CCDC73: variants seen among roughly 807,000 people sequenced by gnomAD.
CCDC73 encodes the protein coiled-coil domain containing 73.
A neutral mutation model predicts 116.5 loss-of-function variants in CCDC73; 95 were observed. The ratio of observed to expected loss-of-function variants is 0.82; its 90% CI spans 0.69 to 0.97. The LOEUF is 0.97. Among genes scored for constraint, CCDC73 ranks in the 50% least tolerant of loss-of-function variants. The probability of loss-of-function intolerance (pLI) is 0.00; values close to 1 mark genes in which losing one functional copy is unlikely to be tolerated. For missense variants in CCDC73, 1,066 were observed against 1,206.8 expected, an observed-to-expected ratio of 0.88 and a Z score of 1.73; for synonymous variants, 398 against 401.3, an observed-to-expected ratio of 0.99 and a Z score of 0.10.
At chr11:32,687,953 C>T (rs979099765) in intron 6 of CCDC73, among the ~76,000 whole-genome samples, 1 of 152,054 alleles carries the variant, frequency 6.6e-6, no homozygotes, top group African/African-American at 2.4e-5. Flanking sequence ...TGAATGGACT[C>T]CCACTGGCCA....
At chr11:32,631,815 T>C (rs942623841) in intron 14 of CCDC73, among the ~76,000 whole-genome samples, 3 of 152,154 alleles carry the variant, frequency 2.0e-5, no homozygotes, top group African/African-American at 7.2e-5. Context: ...CACTCCAGCC[T>C]GGGTGACAGA....
chr11:32,630,075 TTTTC>T lies in CCDC73; in HGVS notation c.1185+5617_1185+5620del, dbSNP rs1449025092. Among the ~76,000 whole-genome samples the T allele has an allele frequency of 9.2e-5, 14 of 152,186 alleles. No homozygotes were observed. In the East Asian group the frequency reaches 1.2e-3, roughly 13 times the overall value. On this transcript the variant is annotated intron_variant, in intron 14 of 17. Coordinates refer to ENST00000335185, the MANE Select transcript of CCDC73 (RefSeq NM_001008391.4). ...AAAAGATACTTTATCTCATTTTTAA[TTTTC>T]TTTGTCAGATAATTCTCTGAAATAA...
intron 6 of CCDC73, among the ~76,000 whole-genome samples, chr11:32,694,979 C>T (rs916108949): frequency 1.3e-5 from 2 of 152,200 alleles, no homozygotes; most frequent in African/African-American, 4.8e-5. Flanking sequence ...CCGTAAGTGA[C>T]TTTCAAAGAC....
At chr11:32,719,150 T>C (rs1375575263) in intron 2 of CCDC73, among the ~76,000 whole-genome samples, 1 of 152,218 alleles carries the variant, frequency 6.6e-6, no homozygotes, top group Non-Finnish European at 1.5e-5. Flanking sequence ...AGCAGTCATT[T>C]AGAAATACTC....
the CCDC73 span, among the ~76,000 whole-genome samples, chr11:32,826,027 C>T: frequency 1.3e-5 from 2 of 152,184 alleles, no homozygotes; most frequent in Non-Finnish European, 1.5e-5. Flanking sequence ...TGACCCCTCA[C>T]ACTGTTCTTT....
chr11:32,743,722 G>A (rs1181355842), intron 2 of CCDC73, among the ~76,000 whole-genome samples: 1 of 152,122 alleles, frequency 6.6e-6, no homozygotes, highest in Non-Finnish European at 1.5e-5. Context: ...TGTTATTGGT[G>A]TATAGGAATG....
chr11:32,703,969 TAA>T (rs1419896188), intron 3 of CCDC73, among the ~76,000 whole-genome samples: 1 of 152,232 alleles, frequency 6.6e-6, no homozygotes, highest in Non-Finnish European at 1.5e-5. Context: ...TTAGCAATTT[TAA>T]AAGTTTATCT....
At chr11:32,828,366 C>A in the CCDC73 span, among the ~76,000 whole-genome samples, 4 of 151,784 alleles carry the variant, frequency 2.6e-5, no homozygotes, top group Non-Finnish European at 5.9e-5. Flanking sequence ...AAAAATTAGC[C>A]GGGCGTGGTG....
intron 2 of CCDC73, among the ~76,000 whole-genome samples, chr11:32,734,044 A>T (rs1394275109): frequency 6.6e-6 from 1 of 152,242 alleles, no homozygotes; most frequent in Non-Finnish European, 1.5e-5. Context: ...TAAAGAAAAA[A>T]GGAGAGAAGA....
chr11:32,645,770 G>A (rs552894547), intron 12 of CCDC73, among the ~76,000 whole-genome samples: 26 of 152,204 alleles, frequency 1.7e-4, no homozygotes, highest in African/African-American at 6.0e-4. Context: ...ACCAACAAAC[G>A]TGTGAGTAAT....
At chr11:32,701,299 C>A (rs746584285) in intron 4 of CCDC73, among the ~76,000 whole-genome samples, 1 of 152,144 alleles carries the variant, frequency 6.6e-6, no homozygotes, top group Non-Finnish European at 1.5e-5. Context: ...TCCAAAGGTA[C>A]AATTTCGTAA....
intron 7 of CCDC73, among the ~76,000 whole-genome samples, chr11:32,679,174 T>C (rs985314790): frequency 6.6e-6 from 1 of 152,082 alleles, no homozygotes; most frequent in Admixed American, 6.6e-5. Flanking sequence ...CCTGGAGAGC[T>C]TATGCCTACC....
rs532267645 is a variant in CCDC73, at chr11:32,694,595, T to TA, written c.390+4655dup. ...TGTACCTTAGAACTTAAAGTATAAT[T>TA]AAAAAAACAATTAAAAATATACTTT... On this transcript the variant is annotated intron_variant, in intron 6 of 17. Transcript: ENST00000335185. Among the ~76,000 whole-genome samples, 45 of 152,068 alleles carry TA rather than the reference T, an allele frequency of 3.0e-4. No individual in the cohort carries two copies. The East Asian group carries it at 7.3e-3, about 25-fold the overall frequency.
intron 1 of CCDC73, among the ~76,000 whole-genome samples, chr11:32,766,419 A>T (rs1244296600): frequency 6.6e-6 from 1 of 152,206 alleles, no homozygotes; most frequent in East Asian, 1.9e-4. Flanking sequence ...GCCCTCTCTC[A>T]CCACTCCTAT....
intron 14 of CCDC73, among the ~76,000 whole-genome samples, chr11:32,619,583 G>T (rs1005914289): frequency 3.3e-5 from 5 of 152,122 alleles, no homozygotes; most frequent in African/African-American, 1.2e-4. Context: ...GGGGGCAGGA[G>T]GAGTGGTTAA....
chr11:32,660,229 CAAAAAAAAAAAAAAA>C (rs11310092), intron 9 of CCDC73, among the ~76,000 whole-genome samples: 1 of 66,506 alleles, frequency 1.5e-5, no homozygotes, highest in Non-Finnish European at 2.7e-5. Flanking sequence ...TTCTCTCTAC[CAAAAAAAAAAAAAAA>C]AAAAAAAAAA....
intron 2 of CCDC73, among the ~76,000 whole-genome samples, chr11:32,752,292 A>T (rs1850293329): frequency 6.6e-6 from 1 of 152,204 alleles, no homozygotes; most frequent in African/African-American, 2.4e-5. Context: ...TAACAGCATC[A>T]TTTATTTACT....
At chr11:32,740,743 A>G (rs1241151152) in intron 2 of CCDC73, among the ~76,000 whole-genome samples, 2 of 151,460 alleles carry the variant, frequency 1.3e-5, no homozygotes, top group Non-Finnish European at 2.9e-5. Flanking sequence ...TTGCTTTTCT[A>G]GTTCCTTAAG....
chr11:32,604,329 CTT>C (rs1363757082), intron 17 of CCDC73: 3 of 152,148 alleles, frequency 2.0e-5, no homozygotes, highest in African/African-American at 7.2e-5. Flanking sequence ...GCTGGTCTCT[CTT>C]AACTCTTGGG....
Sources: gnomAD v4.1 joint callset for allele counts (sites outside exome capture counted in the v4.1 genomes callset) on GRCh38, gnomAD v4.1.1 for gene constraint, MANE v1.5 for transcripts, NCBI Gene and HGNC (gene_info 2026-07-23, HGNC 2026-07-21) for gene names.